MALRD1: variants seen among roughly 807,000 people sequenced by gnomAD.
The protein encoded by MALRD1 is MAM and LDL receptor class A domain containing 1, also known as MAM and LDL-receptor class A domain-containing protein 1.
A neutral mutation model predicts 242.1 loss-of-function variants in MALRD1; 247 were observed. That is an observed-to-expected ratio of 1.02 (90% CI 0.92 to 1.13). MALRD1 has a LOEUF of 1.13. Among genes scored for constraint, MALRD1 ranks in the 50% most tolerant of loss-of-function variants. The probability of loss-of-function intolerance (pLI) is 0.00; values close to 1 mark genes in which losing one functional copy is unlikely to be tolerated. For synonymous variants in MALRD1, 995 were observed against 866.6 expected (o/e 1.15, Z -2.60); for missense variants, 2,989 against 2,533.1 (o/e 1.18, Z -3.86).
intron 21 of MALRD1, chr10:19,290,598 T>C (rs988724342): frequency 6.6e-6 from 1 of 152,138 alleles, no homozygotes; most frequent in Admixed American, 6.6e-5. Flanking sequence ...AAGGAGAATA[T>C]TTAGTAGAAA....
intron 18 of MALRD1, among the ~76,000 whole-genome samples, chr10:19,237,557 T>TACAC: frequency 8.0e-6 from 1 of 125,678 alleles, no homozygotes; most frequent in African/African-American, 2.9e-5. Flanking sequence ...TAATTATAAT[T>TACAC]ACACATAAAA....
chr10:19,680,326 A>T (rs1284671302), intron 36 of MALRD1, among the ~76,000 whole-genome samples: 1 of 149,540 alleles, frequency 6.7e-6, no homozygotes, highest in Non-Finnish European at 1.5e-5. Flanking sequence ...GAGCTCCTGT[A>T]TTGGGTACAT....
Position 19,238,820 on chromosome 10 carries a change from T to C in MALRD1, c.2992-18864T>C, listed in dbSNP as rs192198389. On this transcript the variant is annotated intron_variant, in intron 18 of 39. Transcript: ENST00000454679. ...TCCATAAAGTTTTGCTTAATGGTTG[T>C]ACTAGTTTACAATCCCATCAACAGT... Among the ~76,000 whole-genome samples the C allele has an allele frequency of 2.0e-5, 3 of 151,442 alleles. No individual in the cohort carries two copies. In the East Asian group the frequency reaches 5.8e-4, roughly 29 times the overall value.
intron 22 of MALRD1, among the ~76,000 whole-genome samples, chr10:19,327,128 A>G (rs1294667983): frequency 6.6e-6 from 1 of 152,122 alleles, no homozygotes; most frequent in Non-Finnish European, 1.5e-5. Flanking sequence ...ATGAGCTGAC[A>G]TTGTAACATT....
chr10:19,211,532 A>C (rs571908353), intron 18 of MALRD1, among the ~76,000 whole-genome samples: 1 of 151,794 alleles, frequency 6.6e-6, no homozygotes, highest in South Asian at 2.1e-4. Flanking sequence ...ATCTCTACTA[A>C]AAATAGAAAA....
chr10:19,623,317 G>A lies in MALRD1; in HGVS notation c.6137+7394G>A, dbSNP rs79277106. 2.5e-3 allele frequency among the ~76,000 whole-genome samples: 379 copies of A among 152,084 alleles called. 6 individuals are homozygous for A. The East Asian group carries it at 0.038, about 15-fold the overall frequency. ...CTATTTTAATATACAGGGAAAGCCC[G>A]AATGTCACAGAGAAGAAAGAGATAA... On this transcript the variant is annotated intron_variant, in intron 36 of 39. Coordinates refer to ENST00000454679, the MANE Select transcript of MALRD1 (RefSeq NM_001142308.3).
At chr10:19,063,701 G>T (rs961440686) in intron 1 of MALRD1, among the ~76,000 whole-genome samples, 2 of 148,134 alleles carry the variant, frequency 1.4e-5, no homozygotes, top group African/African-American at 5.0e-5. Flanking sequence ...GGACATTTGG[G>T]TTGGTTCCAA....
intron 29 of MALRD1, among the ~76,000 whole-genome samples, chr10:19,480,569 G>A (rs1836948527): frequency 2.0e-5 from 3 of 152,160 alleles, no homozygotes; most frequent in South Asian, 4.1e-4. Flanking sequence ...ATCCAGAATG[G>A]GAGGGGTTGA....
At chr10:19,439,853 T>A (rs1304301813) in intron 28 of MALRD1, among the ~76,000 whole-genome samples, 1 of 152,226 alleles carries the variant, frequency 6.6e-6, no homozygotes, top group Non-Finnish European at 1.5e-5. Flanking sequence ...ACCTTTCTAA[T>A]GTATATTCTT....
In MALRD1 at chr10:19,319,790, G is replaced by T. The variant is rs530782014; in HGVS notation, c.3420-4159G>T. On this transcript the variant is annotated intron_variant, in intron 21 of 39. Transcript: ENST00000454679. Reference sequence around the variant, plus strand: ...TTAATCGACTCCCCAAAGGCCCTGCGTAATAAGATGATCACCTTTGTATTT... The same window carrying T: ...TTAATCGACTCCCCAAAGGCCCTGCTTAATAAGATGATCACCTTTGTATTT... Among the ~76,000 whole-genome samples the T allele has an allele frequency of 2.6e-5, 4 of 152,100 alleles. No individual in the cohort carries two copies. The East Asian group carries it at 5.8e-4, about 22-fold the overall frequency.
chr10:19,566,954 G>A (rs1836283489), intron 32 of MALRD1, among the ~76,000 whole-genome samples: 2 of 151,950 alleles, frequency 1.3e-5, no homozygotes, highest in African/African-American at 4.8e-5. Context: ...AACTCTTTCT[G>A]TTTCCTTATT....
Position 19,412,368 on chromosome 10 carries a change from A to G in MALRD1, c.4845+22759A>G, listed in dbSNP as rs189627936. On this transcript the variant is annotated intron_variant, in intron 28 of 39. Transcript: ENST00000454679. ...TGAGCTTTTAACCTCCATCAATTAAACTACTTAATCAATTGAAGGGGTACT... is the reference window on the plus strand; with the variant it reads ...TGAGCTTTTAACCTCCATCAATTAAGCTACTTAATCAATTGAAGGGGTACT... 2.9e-3 allele frequency among the ~76,000 whole-genome samples: 437 copies of G among 152,272 alleles called. 2 individuals are homozygous for G. The highest frequency in any genetic ancestry group is 9.9e-3 in the African/African-American group (412 of 41,558).
chr10:19,337,033 A>G (rs1379380938), intron 24 of MALRD1, among the ~76,000 whole-genome samples: 1 of 152,076 alleles, frequency 6.6e-6, no homozygotes, highest in Non-Finnish European at 1.5e-5. Flanking sequence ...GAAAATATAT[A>G]TTGTGTGTGT....
At chr10:19,087,209 G>A (rs1261759959) in intron 2 of MALRD1, among the ~76,000 whole-genome samples, 1 of 151,994 alleles carries the variant, frequency 6.6e-6, no homozygotes, top group African/African-American at 2.4e-5. Context: ...AGTCTTCATC[G>A]AATTGCTTAT....
chr10:19,233,838 C>T (rs550658735), intron 18 of MALRD1, among the ~76,000 whole-genome samples: 1 of 130,862 alleles, frequency 7.6e-6, no homozygotes, highest in African/African-American at 2.9e-5. Context: ...CTTTTTTCTC[C>T]AATTGGTTTC....
chr10:19,183,592 CT>C, intron 14 of MALRD1, among the ~76,000 whole-genome samples: 1 of 152,152 alleles, frequency 6.6e-6, no homozygotes. Context: ...AATTTACTTT[CT>C]TTTTTACATG....
chr10:19,336,042 AC>A, intron 24 of MALRD1, among the ~76,000 whole-genome samples: 1 of 152,268 alleles, frequency 6.6e-6, no homozygotes, highest in East Asian at 1.9e-4. Flanking sequence ...AGAATAAAAT[AC>A]TTAGAAATCC....
At chr10:19,098,850 C>T (rs1309724636) in intron 4 of MALRD1, among the ~76,000 whole-genome samples, 1 of 151,948 alleles carries the variant, frequency 6.6e-6, no homozygotes, top group South Asian at 2.1e-4. Flanking sequence ...CAGTCCATGG[C>T]GAAATGCAGG....
At chr10:19,076,140 T>G (rs922028549) in intron 2 of MALRD1, among the ~76,000 whole-genome samples, 1 of 151,982 alleles carries the variant, frequency 6.6e-6, no homozygotes, top group Non-Finnish European at 1.5e-5. Context: ...ACCCCGATTT[T>G]CATTGCTTCC....
Sources: allele counts gnomAD v4.1 joint callset (sites outside exome capture counted in the v4.1 genomes callset), GRCh38; gene constraint gnomAD v4.1.1; transcripts MANE v1.5; gene names NCBI Gene and HGNC (gene_info 2026-07-23, HGNC 2026-07-21).